DPM1: variants seen among roughly 807,000 people sequenced by gnomAD.
The protein encoded by DPM1 is dolichyl-phosphate mannosyltransferase subunit 1, catalytic.
A neutral mutation model predicts 39.0 loss-of-function variants in DPM1; 27 were observed. The ratio of observed to expected loss-of-function variants is 0.69; its 90% CI spans 0.51 to 0.95. The LOEUF (loss-of-function observed/expected upper bound fraction) is 0.95, where lower values mean the gene tolerates loss of function less well. Ranked by LOEUF, DPM1 falls within the 40% of genes least tolerant of loss-of-function variation. The pLI, the probability that DPM1 is intolerant of heterozygous loss-of-function variation, is 0.00. For synonymous variants in DPM1, 124 were observed against 109.0 expected (o/e 1.14, Z -0.86); for missense variants, 307 against 315.6 (o/e 0.97, Z 0.21).
intron 7 of DPM1, 112 bp from the exon 8 acceptor site, chr20:50,936,374 A>C: frequency 1.5e-6 from 1 of 683,520 alleles, no homozygotes; most frequent in Non-Finnish European, 2.5e-6. Context: ...TTCACTGGCC[A>C]TTGGTAAACA....
chr20:50,937,111 T>C (rs1474611441), intron 7 of DPM1, among the ~76,000 whole-genome samples: 1 of 151,990 alleles, frequency 6.6e-6, no homozygotes, highest in African/African-American at 2.4e-5. Flanking sequence ...TACCTTTTTT[T>C]GTGGGGAGAG....
At chr20:50,952,605 G>A (rs1986635463) in intron 2 of DPM1, among the ~76,000 whole-genome samples, 1 of 152,156 alleles carries the variant, frequency 6.6e-6, no homozygotes, top group Non-Finnish European at 1.5e-5. Flanking sequence ...TTATCAGTGA[G>A]GCTCAGTATT....
At position 50,942,084 on chromosome 20, in the gene DPM1, G is replaced by T. The variant is rs1283097145; in HGVS notation, c.441C>A (p.Arg147=). ...EGNFDIVSGT[R]YKGNGGVYGW... is the part of the protein sequence containing the mutation. ...CATATACACCTCCATTTCCTTTGTA[G>T]CGAGTTCCAGAGACAATATCAAAAT... Residue 147 remains arginine, a synonymous_variant, in exon 6 of 9, where the codon CGC becomes CGA. Transcript: ENST00000371588. 6.2e-7 allele frequency: 1 copy of T among 1,613,980 alleles called. No homozygotes were observed. Among genetic ancestry groups the T allele is most frequent in the African/African-American group, 1.3e-5 (1 of 74,996 alleles).
chr20:50,947,185 G>T (rs1986338486), intron 3 of DPM1, among the ~76,000 whole-genome samples: 1 of 151,978 alleles, frequency 6.6e-6, no homozygotes. Flanking sequence ...CCCAGCCTGG[G>T]CAAGAAGAGC....
chr20:50,950,756 G>A (rs909254768), intron 2 of DPM1, among the ~76,000 whole-genome samples: 1 of 152,004 alleles, frequency 6.6e-6, no homozygotes, highest in African/African-American at 2.4e-5. Context: ...TGTAATCCCA[G>A]CTACTCAGGA....
chr20:50,957,473 T>C (rs962936778), intron 1 of DPM1, among the ~76,000 whole-genome samples: 2 of 152,216 alleles, frequency 1.3e-5, no homozygotes, highest in Admixed American at 6.5e-5. Flanking sequence ...CACCGCTATG[T>C]GTCAAGCACT....
chr20:50,940,834 T>C, intron 7 of DPM1, 31 bp downstream of exon 7: 8 of 1,507,050 alleles, frequency 5.3e-6, no homozygotes, highest in Non-Finnish European at 7.4e-6. Flanking sequence ...GCCAAGAAGT[T>C]ATATAAAAGT....
Position 50,943,605 on chromosome 20 carries a change from C to T in DPM1, c.399-1479G>A, listed in dbSNP as rs141428024. Among the ~76,000 whole-genome samples the T allele has an allele frequency of 9.9e-3, 1,503 of 152,152 alleles. 59 individuals are homozygous for T. The highest frequency in any genetic ancestry group is 0.066 in the Admixed American group (1,010 of 15,276). On this transcript the variant is annotated intron_variant, in intron 5 of 8. Coordinates refer to ENST00000371588, the MANE Select transcript of DPM1 (RefSeq NM_003859.3). ...CAATCTCTTGACCTCATGATCCGCC[C>T]GCCTCAGCCTCCCAAAGTGTGGGAT...
At chr20:50,944,695 C>G (rs1986152252) in intron 5 of DPM1, 1 of 152,232 alleles carries the variant, frequency 6.6e-6, no homozygotes, top group Non-Finnish European at 1.5e-5. Context: ...TTTTATGTAT[C>G]TAGCTTAAAC....
intron 7 of DPM1, among the ~76,000 whole-genome samples, chr20:50,936,796 T>G (rs1282770123): frequency 6.6e-6 from 1 of 152,184 alleles, no homozygotes; most frequent in Non-Finnish European, 1.5e-5. Context: ...AGGATGAGCT[T>G]GGGAAGCTAG....
chr20:50,939,365 G>T (rs959517897), intron 7 of DPM1, among the ~76,000 whole-genome samples: 3 of 149,768 alleles, frequency 2.0e-5, no homozygotes, highest in South Asian at 4.3e-4. Context: ...GATCTTTTTT[G>T]TTTTTTTTTG....
At chr20:50,952,315 A>T (rs1383444070) in intron 2 of DPM1, among the ~76,000 whole-genome samples, 1 of 152,248 alleles carries the variant, frequency 6.6e-6, no homozygotes, top group East Asian at 1.9e-4. Flanking sequence ...TCTTGAAAAA[A>T]GTTACTTAAA....
intron 5 of DPM1, among the ~76,000 whole-genome samples, chr20:50,944,168 C>G (rs1180186305): frequency 6.6e-6 from 1 of 152,242 alleles, no homozygotes; most frequent in African/African-American, 2.4e-5. Context: ...CTTATTGGTA[C>G]TGGATATTAC....
intron 2 of DPM1, among the ~76,000 whole-genome samples, chr20:50,953,584 A>C (rs1268671719): frequency 6.6e-6 from 1 of 152,216 alleles, no homozygotes; most frequent in African/African-American, 2.4e-5. Context: ...TTTATCTGGT[A>C]GTAGAGGGAA....
At chr20:50,942,247 C>T in intron 5 of DPM1, 121 bp from the exon 6 acceptor site, 1 of 867,532 alleles carries the variant, frequency 1.2e-6, no homozygotes. Context: ...GTGGCTCACG[C>T]CTGCAATCCT....
At chr20:50,941,194 T>C (rs1198249923) in intron 6 of DPM1, 2 of 319,416 alleles carry the variant, frequency 6.3e-6, no homozygotes, top group Non-Finnish European at 1.1e-5. Flanking sequence ...CTGGGCAACA[T>C]GGCAAAACTC....
At chr20:50,942,169 T>C in intron 5 of DPM1, 43 bp from the exon 6 acceptor site, 1 of 1,532,694 alleles carries the variant, frequency 6.5e-7, no homozygotes, top group Non-Finnish European at 9.0e-7. Context: ...GCCACTGAGC[T>C]TTCAACAGTC....
intron 5 of DPM1, 42 bp from the exon 6 acceptor site, chr20:50,942,168 C>G (rs779876164): frequency 6.5e-7 from 1 of 1,533,788 alleles, no homozygotes; most frequent in Non-Finnish European, 9.0e-7. Flanking sequence ...AGCCACTGAG[C>G]TTTCAACAGT....
rs1601033452 is a variant in DPM1 at position 50,941,967 on chromosome 20, A to G, written c.494+64T>C. On this transcript the variant is annotated intron_variant, in intron 6 of 8. Coordinates refer to ENST00000371588, the MANE Select transcript of DPM1 (RefSeq NM_003859.3). Reference sequence around the variant, plus strand: ...CCGGGCAGCATGATAGCTAATCCAAATACTTGCTATGAATACATTTCCAGT... The same window carrying G: ...CCGGGCAGCATGATAGCTAATCCAAGTACTTGCTATGAATACATTTCCAGT... 19 of 1,377,908 alleles carry G rather than the reference A, an allele frequency of 1.4e-5. No individual in the cohort carries two copies. The Middle Eastern group carries it at 8.9e-4, about 64-fold the overall frequency. 85.4% of individuals were successfully genotyped at this position (1,377,908 alleles called of 1,614,324 possible). A position where few individuals can be genotyped will look rare whatever the true frequency, so the allele number is the denominator to read the frequency against.
Sources: allele counts gnomAD v4.1 joint callset (sites outside exome capture counted in the v4.1 genomes callset), GRCh38; gene constraint gnomAD v4.1.1; transcripts MANE v1.5; gene names NCBI Gene and HGNC (gene_info 2026-07-23, HGNC 2026-07-21).